The following NPAS3 variants were observed in gnomAD, a reference collection of about 807,000 sequenced individuals.
NPAS3 encodes the protein neuronal PAS domain-containing protein 3.
A neutral mutation model predicts 73.1 loss-of-function variants in NPAS3; 14 were observed. That is an observed-to-expected ratio of 0.19 (90% CI 0.13 to 0.30). The LOEUF is 0.30. Among genes scored for constraint, NPAS3 ranks in the 10% least tolerant of loss-of-function variants. The probability of loss-of-function intolerance (pLI) is 1.00; values close to 1 mark genes in which losing one functional copy is unlikely to be tolerated. For synonymous variants in NPAS3, 620 were observed against 541.5 expected, an observed-to-expected ratio of 1.14 and a Z score of -2.01; for missense variants, 1,096 against 1,250.0, an observed-to-expected ratio of 0.88 and a Z score of 1.86.
chr14:33,448,167 T>G (rs956032088), intron 4 of NPAS3, among the ~76,000 whole-genome samples: 2 of 152,204 alleles, frequency 1.3e-5, no homozygotes, highest in African/African-American at 4.8e-5. Context: ...TGGGACTGAT[T>G]AGGGTTGAAA....
Position 33,456,527 on chromosome 14 carries a change from TAAG to T in NPAS3, c.468+89264_468+89266del, listed in dbSNP as rs371411528. Among the ~76,000 whole-genome samples, 96 of 152,264 alleles carry T rather than the reference TAAG, an allele frequency of 6.3e-4. 1 individual carries two copies. Among genetic ancestry groups the T allele is most frequent in the Middle Eastern group, 6.8e-3 (2 of 294 alleles). On this transcript the variant is annotated intron_variant, in intron 4 of 11. Coordinates refer to ENST00000356141, the Ensembl canonical transcript of NPAS3. ...CTTTGGGCACGATAACATTAGAAAA[TAAG>T]AAGACCAGTCCTCAACTCTGTGAAG... is the stretch of plus-strand genomic sequence containing the variant.
intron 4 of NPAS3, among the ~76,000 whole-genome samples, chr14:33,369,936 A>G (rs1020478773): frequency 1.3e-5 from 2 of 152,186 alleles, no homozygotes; most frequent in Admixed American, 6.5e-5. Flanking sequence ...AGAAGGGTCC[A>G]TGGGAGAATC....
At position 33,178,044 on chromosome 14, in the gene NPAS3, T is replaced by C. The variant is rs928800379; in HGVS notation, c.141-37138T>C. Among the ~76,000 whole-genome samples, 4 of 151,806 alleles carry C rather than the reference T, an allele frequency of 2.6e-5. No homozygotes were observed. In the East Asian group the frequency reaches 7.7e-4, roughly 29 times the overall value. On this transcript the variant is annotated intron_variant, in intron 2 of 11. Coordinates refer to ENST00000356141, the Ensembl canonical transcript of NPAS3. ...TTTCATTTCTCCAAGAGAAGGATGT[T>C]GGAATTTTGATAGGCATTGAAGTGA...
At chr14:33,042,896 T>G (rs2040390412) in intron 1 of NPAS3, among the ~76,000 whole-genome samples, 2 of 152,270 alleles carry the variant, frequency 1.3e-5, no homozygotes, top group African/African-American at 4.8e-5. Context: ...ATTTTTTTCC[T>G]TTAAAGAAGA....
chr14:33,542,456 G>A (rs1023587078), intron 4 of NPAS3, among the ~76,000 whole-genome samples: 20 of 152,176 alleles, frequency 1.3e-4, no homozygotes, highest in African/African-American at 4.1e-4. Flanking sequence ...TGTTCTCGTC[G>A]CCCCTCAAGC....
intron 7 of NPAS3, among the ~76,000 whole-genome samples, chr14:33,744,651 A>G (rs1486122803): frequency 6.6e-6 from 1 of 152,056 alleles, no homozygotes; most frequent in African/African-American, 2.4e-5. Context: ...TTAGCCAGGC[A>G]TAGTGGTGCC....
At chr14:33,461,544 G>GA (rs2050265369) in intron 4 of NPAS3, among the ~76,000 whole-genome samples, 2 of 152,196 alleles carry the variant, frequency 1.3e-5, no homozygotes, top group South Asian at 2.1e-4. Flanking sequence ...GTTCCGACGG[G>GA]AAAATCACAC....
intron 4 of NPAS3, among the ~76,000 whole-genome samples, chr14:33,471,674 G>GA (rs1286432595): frequency 1.3e-5 from 2 of 152,218 alleles, no homozygotes; most frequent in East Asian, 3.8e-4. Flanking sequence ...GAGGTAGGTA[G>GA]AAATTAAGTT....
intron 5 of NPAS3, among the ~76,000 whole-genome samples, chr14:33,564,232 C>A (rs779496089): frequency 6.6e-6 from 1 of 152,112 alleles, no homozygotes. Context: ...TAACCATGAG[C>A]TTCATGGTAA....
chr14:33,639,858 A>G (rs985178755), intron 5 of NPAS3, among the ~76,000 whole-genome samples: 1 of 152,180 alleles, frequency 6.6e-6, no homozygotes, highest in African/African-American at 2.4e-5. Flanking sequence ...ACTGAGGCAC[A>G]AGTCCTTCCA....
In NPAS3 at chr14:33,800,969, G is replaced by A. The variant is rs902489489; in HGVS notation, c.2662G>A (p.Ala888Thr). Residue 888 changes from alanine to threonine, a missense_variant, in exon 12 of 12, where the codon GCA becomes ACA. Coordinates refer to ENST00000356141, the Ensembl canonical transcript of NPAS3. This position sits in a 1 kb window ranked among gnomAD's most constrained non-coding sequence, Gnocchi z 6.5. The stretch of plus-strand genomic sequence containing the variant: ...CAACATGTCAGGACCGTTCGGCGGC[G>A]CAGTGAGCGCAGCTAGCCTGACGCA... 13 of 1,594,460 alleles carry A rather than the reference G, an allele frequency of 8.2e-6. No homozygotes were observed. Among genetic ancestry groups the A allele is most frequent in the East Asian group, 2.3e-5 (1 of 43,414 alleles).
At chr14:33,701,374 C>A (rs1480776186) in intron 6 of NPAS3, among the ~76,000 whole-genome samples, 1 of 152,214 alleles carries the variant, frequency 6.6e-6, no homozygotes, top group Non-Finnish European at 1.5e-5. Context: ...AGATTGTTAA[C>A]CTGCAGGTCT....
chr14:33,339,207 C>T (rs1264684944), intron 3 of NPAS3, among the ~76,000 whole-genome samples: 1 of 152,100 alleles, frequency 6.6e-6, no homozygotes, highest in East Asian at 1.9e-4. Flanking sequence ...AATGATAAAT[C>T]TAAATATAGC....
At chr14:33,729,207 A>C (rs2061344045) in intron 6 of NPAS3, among the ~76,000 whole-genome samples, 2 of 151,862 alleles carry the variant, frequency 1.3e-5, no homozygotes. Context: ...TTTTGAAAAT[A>C]TAGACCCTAC....
intron 3 of NPAS3, among the ~76,000 whole-genome samples, chr14:33,323,741 A>G (rs1566795964): frequency 6.6e-6 from 1 of 152,240 alleles, no homozygotes; most frequent in East Asian, 1.9e-4. Context: ...TTGCATTAAG[A>G]AGTAATGCTG....
intron 4 of NPAS3, among the ~76,000 whole-genome samples, chr14:33,415,205 C>A (rs909337641): frequency 1.3e-5 from 2 of 152,078 alleles, no homozygotes; most frequent in African/African-American, 2.4e-5. Flanking sequence ...TTTATTTATC[C>A]TATAAATGGA....
intron 6 of NPAS3, among the ~76,000 whole-genome samples, chr14:33,679,746 G>T (rs1431524619): frequency 6.6e-6 from 1 of 152,174 alleles, no homozygotes; most frequent in African/African-American, 2.4e-5. Flanking sequence ...AGCCTAAGAG[G>T]CAGTGATACT....
intron 4 of NPAS3, among the ~76,000 whole-genome samples, chr14:33,378,948 C>T (rs955895010): frequency 3.3e-5 from 5 of 152,272 alleles, no homozygotes; most frequent in African/African-American, 7.2e-5. Flanking sequence ...ATCCAAAATC[C>T]GAAATGCTTC....
chr14:33,395,393 C>T (rs947189531), intron 4 of NPAS3, among the ~76,000 whole-genome samples: 1 of 139,776 alleles, frequency 7.2e-6, no homozygotes, highest in African/African-American at 2.8e-5. Context: ...ATTATTACTA[C>T]ATCATAGTTC....
Sources: allele counts gnomAD v4.1 joint callset (sites outside exome capture counted in the v4.1 genomes callset), GRCh38; gene constraint gnomAD v4.1.1; non-coding constraint Gnocchi (gnomAD v3.1); transcripts MANE v1.5; gene names NCBI Gene and HGNC (gene_info 2026-07-23, HGNC 2026-07-21).